Variants in CNTNAP2 observed in about 807,000 individuals in gnomAD.
CNTNAP2 encodes contactin-associated protein-like 2.
A neutral mutation model predicts 155.2 loss-of-function variants in CNTNAP2; 98 were observed. The ratio of observed to expected loss-of-function variants is 0.63; its 90% CI spans 0.54 to 0.75. The LOEUF (loss-of-function observed/expected upper bound fraction) is 0.75. CNTNAP2 is among the 30% of genes least tolerant of loss of function. The pLI, the probability that CNTNAP2 is intolerant of heterozygous loss-of-function variation, is 0.00. For missense variants in CNTNAP2, 1,727 were observed against 1,688.1 expected, an observed-to-expected ratio of 1.02 and a Z score of -0.40; for synonymous variants, 651 against 631.2, an observed-to-expected ratio of 1.03 and a Z score of -0.47.
At chr7:148,347,679 A>G (rs2116592178) in intron 21 of CNTNAP2, among the ~76,000 whole-genome samples, 1 of 152,380 alleles carries the variant, frequency 6.6e-6, no homozygotes, top group East Asian at 1.9e-4. Flanking sequence ...CATATCAGAA[A>G]TAAGAGCCAT....
chr7:148,192,080 C>T (rs1795208349), intron 18 of CNTNAP2, among the ~76,000 whole-genome samples: 1 of 152,068 alleles, frequency 6.6e-6, no homozygotes, highest in African/African-American at 2.4e-5. Context: ...GGAGTGGAGA[C>T]TTCCGTTAAT....
At chr7:146,191,501 A>G (rs973136922) in intron 1 of CNTNAP2, among the ~76,000 whole-genome samples, 3 of 152,174 alleles carry the variant, frequency 2.0e-5, no homozygotes, top group African/African-American at 4.8e-5. Flanking sequence ...TTGAGAGCAG[A>G]CAGCCGGTCT....
At chr7:146,412,122 C>G (rs1030577891) in intron 1 of CNTNAP2, among the ~76,000 whole-genome samples, 16 of 152,020 alleles carry the variant, frequency 1.1e-4, no homozygotes, top group Non-Finnish European at 2.2e-4. Flanking sequence ...AGTGAGCCAC[C>G]GCGCCCGGCC....
At chr7:146,138,103 G>A (rs1048642200) in intron 1 of CNTNAP2, among the ~76,000 whole-genome samples, 4 of 152,022 alleles carry the variant, frequency 2.6e-5, no homozygotes, top group African/African-American at 9.7e-5. Context: ...AGCATCCTAA[G>A]AGAGAAAACA....
intron 13 of CNTNAP2, among the ~76,000 whole-genome samples, chr7:147,820,966 T>A (rs967567166): frequency 7.2e-5 from 11 of 152,172 alleles, no homozygotes; most frequent in African/African-American, 2.6e-4. Context: ...AACAGAGTGC[T>A]GAATGGAAAA....
chr7:146,508,767 A>G (rs577171438), intron 1 of CNTNAP2, among the ~76,000 whole-genome samples: 95 of 152,272 alleles, frequency 6.2e-4, no homozygotes, highest in African/African-American at 2.1e-3. Flanking sequence ...CATTTTCTGG[A>G]ATTGGTGATT....
intron 13 of CNTNAP2, among the ~76,000 whole-genome samples, chr7:147,799,003 C>T (rs1275654577): frequency 6.6e-6 from 1 of 152,214 alleles, no homozygotes; most frequent in Non-Finnish European, 1.5e-5. Flanking sequence ...AGCTCACCTT[C>T]TCTCACCTGC....
chr7:148,264,839 G>T (rs1351723938), intron 20 of CNTNAP2, among the ~76,000 whole-genome samples: 7 of 152,026 alleles, frequency 4.6e-5, no homozygotes, highest in Admixed American at 4.6e-4. Context: ...GGACTATAGG[G>T]GAGTGCCACC....
chr7:147,579,645 C>A (rs989184059), intron 12 of CNTNAP2, among the ~76,000 whole-genome samples: 4 of 152,096 alleles, frequency 2.6e-5, no homozygotes, highest in Non-Finnish European at 2.9e-5. Context: ...CCCAGACCAC[C>A]TATTTAATTA....
At chr7:147,066,026 C>T (rs1799772808) in intron 4 of CNTNAP2, among the ~76,000 whole-genome samples, 1 of 151,822 alleles carries the variant, frequency 6.6e-6, no homozygotes. Flanking sequence ...CAAAACAAAA[C>T]AAAACAAAAA....
intron 8 of CNTNAP2, among the ~76,000 whole-genome samples, chr7:147,216,463 T>C (rs1283874316): frequency 6.6e-6 from 1 of 152,088 alleles, no homozygotes; most frequent in Non-Finnish European, 1.5e-5. Context: ...AGCCTTTGCT[T>C]CTTTGTCAAA....
At chr7:147,152,142 C>T (rs933770738) in intron 8 of CNTNAP2, among the ~76,000 whole-genome samples, 2 of 152,028 alleles carry the variant, frequency 1.3e-5, no homozygotes, top group Non-Finnish European at 2.9e-5. Context: ...AAGACAATGA[C>T]TCATGTACAT....
intron 1 of CNTNAP2, among the ~76,000 whole-genome samples, chr7:146,479,399 A>G (rs948894653): frequency 6.6e-6 from 1 of 152,230 alleles, no homozygotes; most frequent in African/African-American, 2.4e-5. Flanking sequence ...TCTGATAATA[A>G]ATATTCATTT....
At position 147,709,479 on chromosome 7, in the gene CNTNAP2, A is replaced by G. The variant is rs1276093714; in HGVS notation, c.2098+70173A>G. Among the ~76,000 whole-genome samples, 4 of 152,224 alleles carry G rather than the reference A, an allele frequency of 2.6e-5. No homozygotes were observed. The South Asian group carries it at 8.3e-4, about 32-fold the overall frequency. Reference sequence around the variant, plus strand: ...GCTCTTTTTGTAAAGATGCTGATACATGAAGTCTCAAATTTCATGGACGTG... The same window carrying G: ...GCTCTTTTTGTAAAGATGCTGATACGTGAAGTCTCAAATTTCATGGACGTG... On this transcript the variant is annotated intron_variant, in intron 13 of 23. Coordinates refer to ENST00000361727, the MANE Select transcript of CNTNAP2 (RefSeq NM_014141.6).
At chr7:148,189,432 A>C (rs185101204) in intron 18 of CNTNAP2, among the ~76,000 whole-genome samples, 1 of 152,258 alleles carries the variant, frequency 6.6e-6, no homozygotes, top group Non-Finnish European at 1.5e-5. Flanking sequence ...GCAATTATAA[A>C]AGGGCAGTTC....
intron 1 of CNTNAP2, among the ~76,000 whole-genome samples, chr7:146,267,858 A>G (rs1800019642): frequency 6.6e-6 from 1 of 152,240 alleles, no homozygotes; most frequent in South Asian, 2.1e-4. Flanking sequence ...TAAAAATTAA[A>G]AAGAGCTATG....
intron 1 of CNTNAP2, among the ~76,000 whole-genome samples, chr7:146,130,513 T>C (rs187400463): frequency 6.6e-6 from 1 of 152,230 alleles, no homozygotes; most frequent in Admixed American, 6.5e-5. Flanking sequence ...GTATTAAAGT[T>C]TGTGATAATT....
intron 1 of CNTNAP2, among the ~76,000 whole-genome samples, chr7:146,601,213 G>A (rs939985569): frequency 1.3e-5 from 2 of 152,026 alleles, no homozygotes; most frequent in Non-Finnish European, 2.9e-5. Context: ...TTTGCAAACC[G>A]AGTTCAATTC....
intron 1 of CNTNAP2, among the ~76,000 whole-genome samples, chr7:146,711,201 TAC>T (rs1057247673): frequency 6.7e-6 from 1 of 148,840 alleles, no homozygotes; most frequent in African/African-American, 2.4e-5. Context: ...TATGTATACA[TAC>T]ACACACATAC....
Sources: gnomAD v4.1 joint callset for allele counts (sites outside exome capture counted in the v4.1 genomes callset) on GRCh38, gnomAD v4.1.1 for gene constraint, MANE v1.5 for transcripts, NCBI Gene and HGNC (gene_info 2026-07-23, HGNC 2026-07-21) for gene names.